The following PTK7 variants were observed in gnomAD, a reference collection of about 807,000 sequenced individuals.
PTK7 encodes protein tyrosine kinase 7 (inactive).
In PTK7, 39 loss-of-function variants were observed where a neutral mutation model predicts 116.6. The observed-to-expected ratio is 0.33, with a 90% CI of 0.26 to 0.44. The LOEUF is 0.44. Among genes scored for constraint, PTK7 ranks in the 20% least tolerant of loss-of-function variants. The pLI is 1.00. For synonymous variants in PTK7, 546 were observed against 563.6 expected (o/e 0.97, Z 0.44); for missense variants, 1,169 against 1,425.6 (o/e 0.82, Z 2.90).
rs926829948 is a variant in PTK7 at position 43,140,470 on chromosome 6, T to A, written c.1618+945T>A. Among the ~76,000 whole-genome samples the A allele has an allele frequency of 8.4e-5, 12 of 143,356 alleles. 1 individual carries two copies. The highest frequency in any genetic ancestry group is 4.6e-4 in the South Asian group (2 of 4,366). The allele number at this position is 143,356 out of a possible 152,430, so 94.0% of individuals were successfully genotyped here. ...TCCATCTCAAAAAAAAAAAAAAAAATATTGGGAGAAAAAATGTACAGTCCT... is the reference window on the plus strand; with the variant it reads ...TCCATCTCAAAAAAAAAAAAAAAAAAATTGGGAGAAAAAATGTACAGTCCT... On this transcript the variant is annotated intron_variant, in intron 10 of 19. Coordinates refer to ENST00000230419, the MANE Select transcript of PTK7 (RefSeq NM_002821.5).
intron 1 of PTK7, among the ~76,000 whole-genome samples, chr6:43,084,115 G>A (rs1043480946): frequency 1.3e-5 from 2 of 152,144 alleles, no homozygotes; most frequent in Admixed American, 1.3e-4. Flanking sequence ...ATTTCAAAAG[G>A]AAACTGCATT....
intron 1 of PTK7, among the ~76,000 whole-genome samples, chr6:43,127,746 C>T (rs942366064): frequency 2.6e-5 from 4 of 152,064 alleles, no homozygotes; most frequent in African/African-American, 7.2e-5. Flanking sequence ...TGGCTAACAC[C>T]GTCAAACCCC....
Position 43,076,518 on chromosome 6 carries a change from A to G in PTK7, c.30A>G (p.Arg10=). MGAARGSPA[R]PRRLPLLSVL... Reference sequence around the variant, plus strand: ...GAGCTGCGCGGGGATCCCCGGCCAGACCCCGCCGGTTGCCTCTGCTCAGCG... The same window carrying G: ...GAGCTGCGCGGGGATCCCCGGCCAGGCCCCGCCGGTTGCCTCTGCTCAGCG... The change falls in exon 1 of 20, where the codon AGA becomes AGG. Residue 10 remains arginine (R), a synonymous_variant. Transcript: ENST00000230419. This position sits in a 1 kb window ranked among gnomAD's most constrained non-coding sequence, Gnocchi z 5.7. 6.4e-7 allele frequency: 1 copy of G among 1,573,506 alleles called. No individual in the cohort carries two copies. Among genetic ancestry groups the G allele is most frequent in the East Asian group, 2.6e-5 (1 of 39,152 alleles).
chr6:43,090,023 A>G (rs1766861552), intron 1 of PTK7, among the ~76,000 whole-genome samples: 1 of 152,098 alleles, frequency 6.6e-6, no homozygotes, highest in Admixed American at 6.5e-5. Flanking sequence ...GCCTTTGAAC[A>G]TGGCTTGAGA....
intron 17 of PTK7, among the ~76,000 whole-genome samples, chr6:43,154,014 T>A (rs939651690): frequency 6.6e-6 from 1 of 151,944 alleles, no homozygotes; most frequent in African/African-American, 2.4e-5. Flanking sequence ...AATAAAAAAA[T>A]TAGCCGTGCA....
At chr6:43,122,453 G>T (rs184042612) in intron 1 of PTK7, among the ~76,000 whole-genome samples, 2 of 152,192 alleles carry the variant, frequency 1.3e-5, no homozygotes, top group East Asian at 3.9e-4. Context: ...GTGGCCTGGC[G>T]CTGTCTCCCT....
intron 1 of PTK7, among the ~76,000 whole-genome samples, chr6:43,111,837 CTTT>C (rs34582469): frequency 1.5e-5 from 2 of 137,214 alleles, no homozygotes; most frequent in African/African-American, 2.7e-5. Flanking sequence ...CCAGCTAATT[CTTT>C]TTTTTTTTTT....
intron 1 of PTK7, among the ~76,000 whole-genome samples, chr6:43,097,335 A>G (rs777004070): frequency 1.2e-4 from 18 of 152,162 alleles, no homozygotes; most frequent in Non-Finnish European, 2.1e-4. Flanking sequence ...GGTTTGTTTC[A>G]GAGGGTTTCC....
chr6:43,152,734 TTTATGTTATGTTATGTTATG>T (rs59689086), intron 17 of PTK7, among the ~76,000 whole-genome samples: 11,214 of 144,126 alleles, frequency 0.078, 755 homozygotes, highest in East Asian at 0.33. Context: ...TTTTATTTTA[TTTATGTTATGTTATGTTATG>T]TTATGTTATG....
intron 1 of PTK7, among the ~76,000 whole-genome samples, chr6:43,096,753 C>G (rs189078898): frequency 6.6e-6 from 1 of 152,216 alleles, no homozygotes; most frequent in South Asian, 2.1e-4. Flanking sequence ...CCTGCCTGTC[C>G]GGTAGGGCCC....
intron 19 of PTK7, among the ~76,000 whole-genome samples, 164 bp from the exon 20 acceptor site, chr6:43,160,557 C>A (rs2150487971): frequency 6.6e-6 from 1 of 152,290 alleles, no homozygotes; most frequent in Non-Finnish European, 1.5e-5. Flanking sequence ...GTGAGTGGGG[C>A]CAGGGGAGTC....
chr6:43,128,432 C>A (rs1443936389), intron 1 of PTK7, among the ~76,000 whole-genome samples: 2 of 152,200 alleles, frequency 1.3e-5, no homozygotes, highest in Non-Finnish European at 2.9e-5. Flanking sequence ...AGTCTTCAGA[C>A]CTCTTGAGGA....
At chr6:43,111,170 G>A (rs1561950350) in intron 1 of PTK7, among the ~76,000 whole-genome samples, 1 of 152,206 alleles carries the variant, frequency 6.6e-6, no homozygotes, top group Admixed American at 6.5e-5. Flanking sequence ...AGGAATGCAA[G>A]CAGAGCATTG....
intron 1 of PTK7, among the ~76,000 whole-genome samples, chr6:43,107,458 A>G (rs1473591072): frequency 6.6e-6 from 1 of 152,222 alleles, no homozygotes; most frequent in South Asian, 2.1e-4. Flanking sequence ...TGGGGATCAT[A>G]GTACCTACCC....
intron 1 of PTK7, among the ~76,000 whole-genome samples, chr6:43,116,631 T>TGC (rs1293851846): frequency 7.8e-6 from 1 of 128,160 alleles, no homozygotes; most frequent in African/African-American, 3.2e-5. Flanking sequence ...TGTGTGTGTG[T>TGC]GTGTGTGTGT....
At chr6:43,107,961 G>C (rs1208382845) in intron 1 of PTK7, among the ~76,000 whole-genome samples, 1 of 152,192 alleles carries the variant, frequency 6.6e-6, no homozygotes, top group Non-Finnish European at 1.5e-5. Flanking sequence ...GCGGTATTAG[G>C]GTTTTAACAG....
At chr6:43,140,222 G>T (rs1300523660) in intron 10 of PTK7, among the ~76,000 whole-genome samples, 2 of 152,220 alleles carry the variant, frequency 1.3e-5, no homozygotes, top group Non-Finnish European at 2.9e-5. Context: ...GCTGAGGTGG[G>T]TGGATCACGA....
At chr6:43,157,360 ATATATTTTTTTTTTTC>A (rs1370017073) in intron 17 of PTK7, among the ~76,000 whole-genome samples, 51 of 8,010 alleles carry the variant, frequency 6.4e-3, no homozygotes, top group African/African-American at 0.028. Flanking sequence ...ATATATATAT[ATATATTTTTTTTTTTC>A]TTTTTTTTTT....
chr6:43,077,100 G>A, intron 1 of PTK7: 1 of 1,202,510 alleles, frequency 8.3e-7, no homozygotes, highest in Non-Finnish European at 1.1e-6. Flanking sequence ...CGAGTTCCTG[G>A]GCAAAGCTGA....
Sources: gnomAD v4.1 joint callset for allele counts (sites outside exome capture counted in the v4.1 genomes callset) on GRCh38, gnomAD v4.1.1 for gene constraint, Gnocchi (gnomAD v3.1) non-coding constraint, MANE v1.5 for transcripts, NCBI Gene and HGNC (gene_info 2026-07-23, HGNC 2026-07-21) for gene names.